NR4A2: variants seen among roughly 807,000 people sequenced by gnomAD.
NR4A2 encodes NGFI-B/nur77 beta-type transcription factor homolog.
Under a neutral mutation model 50.5 loss-of-function variants are expected in NR4A2, and 1 was observed. The observed-to-expected ratio is 0.02, with a 90% CI of 0.01 to 0.09. The LOEUF is 0.09. NR4A2 is among the 10% of genes least tolerant of loss of function. The pLI is 1.00. For synonymous variants in NR4A2, 328 were observed against 309.4 expected, an observed-to-expected ratio of 1.06 and a Z score of -0.63; for missense variants, 613 against 777.3, an observed-to-expected ratio of 0.79 and a Z score of 2.51.
chr2:156,331,243 G>T (rs1686910095), intron 1 of NR4A2, among the ~76,000 whole-genome samples: 1 of 152,130 alleles, frequency 6.6e-6, no homozygotes, highest in South Asian at 2.1e-4. Context: ...GAAAGTAGAA[G>T]TCAAGAATAT....
intron 5 of NR4A2, 91 bp downstream of exon 5, chr2:156,327,760 C>T (rs574402823): frequency 2.7e-6 from 4 of 1,488,606 alleles, no homozygotes; most frequent in South Asian, 1.2e-5. Flanking sequence ...TCTTTACCCC[C>T]GTTGAATCTG....
intron 5 of NR4A2, among the ~76,000 whole-genome samples, chr2:156,327,354 A>G (rs552043780): frequency 6.6e-6 from 1 of 152,218 alleles, no homozygotes; most frequent in African/African-American, 2.4e-5. Flanking sequence ...GGATCTGACC[A>G]CTTGATCCCC....
At position 156,325,578 on chromosome 2, in the gene NR4A2, T is replaced by G; in HGVS notation, c.*166A>C. 1.1e-6 allele frequency: 1 copy of G among 910,422 alleles called. No individual in the cohort carries two copies. The allele number at this position is 910,422 out of a possible 1,614,324, so 56.4% of individuals were successfully genotyped here. A position where few individuals can be genotyped will look rare whatever the true frequency, so the allele number is the denominator to read the frequency against. ...GTTAGGAAATAGCAACAGTTTTTGT[T>G]TGTTTGTTTGTTTTCTTTAGGGATC... On this transcript the variant is annotated 3_prime_UTR_variant, in exon 8 of 8. Coordinates refer to ENST00000339562, the MANE Select transcript of NR4A2 (RefSeq NM_006186.4).
Position 156,328,601 on chromosome 2 carries a change from AT to A in NR4A2, c.865-69del. 1 of 1,603,906 alleles carries A rather than the reference AT, an allele frequency of 6.2e-7. No individual in the cohort carries two copies. The highest frequency in any genetic ancestry group is 8.5e-7 in the Non-Finnish European group (1 of 1,172,080). Reference sequence around the variant, plus strand: ...TTGAAAATCAGGCAACTCGGAGAAAATTTCTGTTATGTGACTGGGGTCTACG... The same window carrying A: ...TTGAAAATCAGGCAACTCGGAGAAAATTCTGTTATGTGACTGGGGTCTACG... On this transcript the variant is annotated intron_variant, in intron 3 of 7. Transcript: ENST00000339562. The surrounding 1 kb of genome is among the most constrained non-coding windows in gnomAD (Gnocchi z 4.9).
At position 156,329,215 on chromosome 2, in the gene NR4A2, C is replaced by G. The variant is rs1686794418; in HGVS notation, c.864+108G>C. 69 of 1,481,136 alleles carry G rather than the reference C, an allele frequency of 4.7e-5. No homozygotes were observed. Among genetic ancestry groups the G allele is most frequent in the Non-Finnish European group, 6.1e-5 (67 of 1,089,816 alleles). 91.7% of individuals were successfully genotyped at this position (1,481,136 alleles called of 1,614,324 possible). A position where few individuals can be genotyped will look rare whatever the true frequency, so the allele number is the denominator to read the frequency against. Reference sequence around the variant, plus strand: ...GGCGGACCCCGGAGAGCTGGGCAGTCCCGGGAGAGCTGGGGCTGGGCTACT... The same window carrying G: ...GGCGGACCCCGGAGAGCTGGGCAGTGCCGGGAGAGCTGGGGCTGGGCTACT... On this transcript the variant is annotated intron_variant, in intron 3 of 7. Coordinates refer to ENST00000339562, the MANE Select transcript of NR4A2 (RefSeq NM_006186.4). The surrounding 1 kb of genome is among the most constrained non-coding windows in gnomAD (Gnocchi z 7.5).
Position 156,326,260 on chromosome 2 carries a change from C to T in NR4A2, c.1430G>A (p.Arg477His), listed in dbSNP as rs776683252. Residue 477 changes from arginine to histidine, a missense_variant, in exon 7 of 8, where the codon CGT (arginine) becomes CAT (histidine). By Grantham distance (29) the Arg-to-His change is conservative (BLOSUM62 0). Coordinates refer to ENST00000339562, the MANE Select transcript of NR4A2 (RefSeq NM_006186.4). This position sits in a 1 kb window ranked among gnomAD's most constrained non-coding sequence, Gnocchi z 4.2. ...GVVLHRLQCV[R>H]GFGEWIDSIV... The stretch of plus-strand genomic sequence containing the variant: ...GGAATCAATCCATTCCCCAAAGCCA[C>T]GAACGCATTGCAACCTGTGCAAGAC... 3.1e-6 allele frequency: 5 copies of T among 1,614,064 alleles called. No homozygotes were observed. Among genetic ancestry groups the T allele is most frequent in the Admixed American group, 1.7e-5 (1 of 60,006 alleles).
rs1686833130 is a variant in NR4A2 at position 156,329,731 on chromosome 2, G to A, written c.456C>T (p.Phe152=). The part of the protein sequence containing the change: ...MWDDPGSLHN[F]HQNYVATTHM... ...GCGTAGTGGCCACGTAGTTCTGGTG[G>A]AAGTTGTGGAGAGATCCCGGGTCGT... is the stretch of plus-strand genomic sequence containing the variant. Residue 152 remains phenylalanine (F), a synonymous_variant, in exon 3 of 8, where the codon TTC becomes TTT. Transcript: ENST00000339562. The surrounding 1 kb of genome is among the most constrained non-coding windows in gnomAD (Gnocchi z 7.5). The A allele has an allele frequency of 4.3e-6, 7 of 1,614,070 alleles. No individual in the cohort carries two copies. Among genetic ancestry groups the A allele is most frequent in the Non-Finnish European group, 5.9e-6 (7 of 1,179,936 alleles).
At position 156,325,576 on chromosome 2, in the gene NR4A2, G is replaced by T; in HGVS notation, c.*168C>A. The stretch of plus-strand genomic sequence containing the variant: ...AGGTTAGGAAATAGCAACAGTTTTT[G>T]TTTGTTTGTTTGTTTTCTTTAGGGA... On this transcript the variant is annotated 3_prime_UTR_variant, in exon 8 of 8. Transcript: ENST00000339562. The T allele has an allele frequency of 1.2e-6, 1 of 866,512 alleles. No homozygotes were observed. Among genetic ancestry groups the T allele is most frequent in the South Asian group, 1.5e-5 (1 of 64,786 alleles). 53.7% of individuals were successfully genotyped at this position (866,512 alleles called of 1,614,324 possible).
In NR4A2 at chr2:156,325,721, T is replaced by C. The variant is rs559491686; in HGVS notation, c.*23A>G. ...CAGTTTCCATTATCATTCCAGTTCC[T>C]TTGAAGTGCTTGGGAGGAGGTCTTA... On this transcript the variant is annotated 3_prime_UTR_variant, in exon 8 of 8. Transcript: ENST00000339562. 6.2e-7 allele frequency: 1 copy of C among 1,613,938 alleles called. No individual in the cohort carries two copies. Among genetic ancestry groups the C allele is most frequent in the African/African-American group, 1.3e-5 (1 of 75,018 alleles).
intron 1 of NR4A2, among the ~76,000 whole-genome samples, chr2:156,331,138 G>T (rs1201814159): frequency 6.6e-6 from 1 of 152,148 alleles, no homozygotes; most frequent in Non-Finnish European, 1.5e-5. Flanking sequence ...CAGGACCTGA[G>T]TATGAAGACT....
intron 5 of NR4A2, 121 bp from the exon 6 acceptor site, chr2:156,327,041 C>T (rs1686681595): frequency 1.1e-6 from 1 of 890,302 alleles, no homozygotes; most frequent in Admixed American, 2.0e-5. Flanking sequence ...TCTCTCTGAC[C>T]AGTAAGGAAA....
At chr2:156,332,430 G>T in intron 1 of NR4A2, 50 bp downstream of exon 1, 3 of 1,271,000 alleles carry the variant, frequency 2.4e-6, no homozygotes, top group South Asian at 2.5e-5. Flanking sequence ...ACGTGCAAAA[G>T]AAGGAAAAAG....
intron 1 of NR4A2, 109 bp from the exon 2 acceptor site, chr2:156,330,900 TGGAAA>T (rs1686893737): frequency 1.1e-6 from 1 of 916,122 alleles, no homozygotes. Context: ...TTTGTCTCAT[TGGAAA>T]TGAGTGGGAA....
rs567568647 is a variant in NR4A2, at chr2:156,326,560, C to CT, written c.1361+157dup. Among the ~76,000 whole-genome samples the CT allele has an allele frequency of 9.9e-5, 15 of 152,266 alleles. No homozygotes were observed. In the South Asian group the frequency reaches 2.9e-3, roughly 29 times the overall value. ...GGCTTCTGGGCTCGCTTCTTCTCGT[C>CT]TTTTTTTGTTTTCTTTCTTTTTCTT... On this transcript the variant is annotated intron_variant, in intron 6 of 7. Coordinates refer to ENST00000339562, the MANE Select transcript of NR4A2 (RefSeq NM_006186.4). This position sits in a 1 kb window ranked among gnomAD's most constrained non-coding sequence, Gnocchi z 4.2.
Position 156,328,031 on chromosome 2 carries a change from C to T in NR4A2, c.995-17G>A, listed in dbSNP as rs777116116. ...TGCGAACCACTGCAAAGGAAGAGCC[C>T]TGTTAGCGCCGCTTTTCCGAGCCCA... On this transcript the variant is annotated splice_polypyrimidine_tract_variant and intron_variant, in intron 4 of 7. Coordinates refer to ENST00000339562, the MANE Select transcript of NR4A2 (RefSeq NM_006186.4). This position sits in a 1 kb window ranked among gnomAD's most constrained non-coding sequence, Gnocchi z 4.9. The T allele has an allele frequency of 1.3e-6, 2 of 1,599,814 alleles. No homozygotes were observed. Among genetic ancestry groups the T allele is most frequent in the Non-Finnish European group, 1.7e-6 (2 of 1,172,468 alleles).
chr2:156,329,553 C>T lies in NR4A2; in HGVS notation c.634G>A (p.Val212Met), dbSNP rs759252212. 3.7e-6 allele frequency: 6 copies of T among 1,603,362 alleles called. No individual in the cohort carries two copies. The highest frequency in any genetic ancestry group is 1.1e-5 in the South Asian group (1 of 90,660). Reference protein sequence around the residue: ...MNPEPAGSHHVVDGQTFAVPN... With the variant: ...MNPEPAGSHHMVDGQTFAVPN... ...ACAGCGAAGGTCTGCCCGTCCACCA[C>T]GTGGTGGCTGCCGGCGGGCTCCGGG... Residue 212 changes from valine (V) to methionine (M), a missense_variant, in exon 3 of 8, where the codon GTG becomes ATG. This residue lies in a region of NR4A2 where 275 missense variants were observed against 248.9 expected (regional missense o/e 1.10). Transcript: ENST00000339562. This position sits in a 1 kb window ranked among gnomAD's most constrained non-coding sequence, Gnocchi z 7.5.
Position 156,329,716 on chromosome 2 carries a change from C to T in NR4A2, c.471G>A (p.Val157=), listed in dbSNP as rs775346380. The change falls in exon 3 of 8, where the codon GTG becomes GTA. Residue 157 remains valine, a synonymous_variant. Transcript: ENST00000339562. This position sits in a 1 kb window ranked among gnomAD's most constrained non-coding sequence, Gnocchi z 7.5. ...GSLHNFHQNY[V]ATTHMIEQRK... ...TCTGCTCGATCATGTGCGTAGTGGC[C>T]ACGTAGTTCTGGTGGAAGTTGTGGA... 1 of 1,613,896 alleles carries T rather than the reference C, an allele frequency of 6.2e-7. No individual in the cohort carries two copies. The highest frequency in any genetic ancestry group is 1.3e-5 in the African/African-American group (1 of 74,894).
chr2:156,330,873 C>T (rs1686891976), intron 1 of NR4A2, 82 bp from the exon 2 acceptor site: 2 of 1,134,384 alleles, frequency 1.8e-6, no homozygotes, highest in Non-Finnish European at 2.2e-6. Flanking sequence ...CAGGCAGGCC[C>T]TTCCATGCCT....
Position 156,325,338 on chromosome 2 carries a change from GT to G in NR4A2, c.*405del. 3.6e-6 allele frequency: 1 copy of G among 278,614 alleles called. No homozygotes were observed. The highest frequency in any genetic ancestry group is 7.1e-6 in the Non-Finnish European group (1 of 141,494). 17.3% of individuals were successfully genotyped at this position (278,614 alleles called of 1,614,324 possible). A position where few individuals can be genotyped will look rare whatever the true frequency, so the allele number is the denominator to read the frequency against. ...AAGATGTGTCTCTGTGTGTGTGTGT[GT>G]GTGTGTATGTGTGTGTGTGTTACAT... On this transcript the variant is annotated 3_prime_UTR_variant, in exon 8 of 8. Coordinates refer to ENST00000339562, the MANE Select transcript of NR4A2 (RefSeq NM_006186.4).
Sources: allele counts gnomAD v4.1 joint callset (sites outside exome capture counted in the v4.1 genomes callset), GRCh38; gene constraint gnomAD v4.1.1; regional missense constraint gnomAD v4.1.1; non-coding constraint Gnocchi (gnomAD v3.1); transcripts MANE v1.5; gene names NCBI Gene and HGNC (gene_info 2026-07-23, HGNC 2026-07-21).